Variants in LPP observed in about 807,000 individuals in gnomAD.
LPP encodes the protein lipoma-preferred partner.
In LPP, 38 loss-of-function variants were observed where a neutral mutation model predicts 60.4. That is an observed-to-expected ratio of 0.63 (90% CI 0.49 to 0.83). LPP has a LOEUF of 0.83. LPP is among the 40% of genes least tolerant of loss of function. The probability of loss-of-function intolerance (pLI) is 0.00; values close to 1 mark genes in which losing one functional copy is unlikely to be tolerated. For synonymous variants in LPP, 328 were observed against 290.8 expected, an observed-to-expected ratio of 1.13 and a Z score of -1.30; for missense variants, 902 against 783.6, an observed-to-expected ratio of 1.15 and a Z score of -1.80.
intron 11 of LPP, among the ~76,000 whole-genome samples, chr3:188,873,823 T>G (rs377138978): frequency 1.1e-4 from 16 of 152,158 alleles, no homozygotes; most frequent in East Asian, 9.7e-4. Flanking sequence ...GGATTTTATT[T>G]TCTTACTGCA....
At chr3:188,828,614 C>CAAAAAAAAAAA (rs71169022) in intron 9 of LPP, among the ~76,000 whole-genome samples, 373 of 31,338 alleles carry the variant, frequency 0.012, 92 homozygotes, top group East Asian at 0.07. Flanking sequence ...AACTCTGTCT[C>CAAAAAAAAAAA]AAAAAAAAAA....
intron 2 of LPP, among the ~76,000 whole-genome samples, chr3:188,327,117 C>T (rs1365196837): frequency 6.6e-6 from 1 of 152,132 alleles, no homozygotes; most frequent in African/African-American, 2.4e-5. Flanking sequence ...AATGTAGTGG[C>T]TGGGTCATGA....
chr3:188,743,440 A>C (rs1254975355), intron 8 of LPP, among the ~76,000 whole-genome samples: 1 of 152,050 alleles, frequency 6.6e-6, no homozygotes, highest in Non-Finnish European at 1.5e-5. Flanking sequence ...CTAAAAGAGC[A>C]AAAGTGTACA....
intron 5 of LPP, among the ~76,000 whole-genome samples, chr3:188,504,581 G>T (rs1202863445): frequency 2.0e-5 from 3 of 151,992 alleles, no homozygotes; most frequent in African/African-American, 7.3e-5. Context: ...CTTCCCCAAG[G>T]TTTACTGTTA....
At chr3:188,800,395 G>C (rs1262790626) in intron 9 of LPP, among the ~76,000 whole-genome samples, 1 of 151,678 alleles carries the variant, frequency 6.6e-6, no homozygotes, top group Non-Finnish European at 1.5e-5. Flanking sequence ...ACAGGTGTCT[G>C]CCACCACGCC....
chr3:188,592,557 G>GTTTTTTTTTGTTTTTTTTTTTTTT, intron 6 of LPP, among the ~76,000 whole-genome samples: 1 of 85,756 alleles, frequency 1.2e-5, no homozygotes, highest in African/African-American at 4.5e-5. Flanking sequence ...TTTTGTTTTT[G>GTTTTTTTTTGTTTTTTTTTTTTTT]TTTTTTAAAT....
chr3:188,790,352 G>C (rs1310863451), intron 9 of LPP, among the ~76,000 whole-genome samples: 1 of 151,578 alleles, frequency 6.6e-6, no homozygotes, highest in Non-Finnish European at 1.5e-5. Context: ...GTGTGTGCGT[G>C]TGTGTGTGTG....
chr3:188,192,030 A>G (rs1728321373), intron 1 of LPP, among the ~76,000 whole-genome samples: 2 of 152,326 alleles, frequency 1.3e-5, no homozygotes, highest in Admixed American at 6.5e-5. Context: ...GCCTCAAAAC[A>G]TAAACTATTT....
intron 6 of LPP, among the ~76,000 whole-genome samples, chr3:188,525,805 A>G (rs1216033713): frequency 2.0e-5 from 3 of 152,208 alleles, no homozygotes; most frequent in Non-Finnish European, 4.4e-5. Flanking sequence ...CCTCAAGTTC[A>G]CTAGAATGTG....
At chr3:188,579,791 C>A (rs1835628580) in intron 6 of LPP, among the ~76,000 whole-genome samples, 1 of 142,646 alleles carries the variant, frequency 7.0e-6, no homozygotes, top group Admixed American at 7.5e-5. Flanking sequence ...CAGATCCTGT[C>A]TCTACAAAAA....
intron 5 of LPP, among the ~76,000 whole-genome samples, chr3:188,510,456 G>A (rs1815123084): frequency 6.6e-6 from 1 of 152,158 alleles, no homozygotes. Context: ...AGGAATTTCT[G>A]CTGGGAGTGT....
At chr3:188,185,648 C>G (rs562629089) in intron 1 of LPP, among the ~76,000 whole-genome samples, 6 of 152,288 alleles carry the variant, frequency 3.9e-5, no homozygotes, top group Admixed American at 6.5e-5. Context: ...TTCCAGAAAG[C>G]TACTTTTTCT....
At chr3:188,491,302 A>T (rs1266592146) in intron 5 of LPP, among the ~76,000 whole-genome samples, 1 of 152,196 alleles carries the variant, frequency 6.6e-6, no homozygotes, top group Non-Finnish European at 1.5e-5. Context: ...ATGAAAAGAG[A>T]TGTCGGCTGT....
At chr3:188,579,597 A>G (rs956796012) in intron 6 of LPP, among the ~76,000 whole-genome samples, 9 of 152,140 alleles carry the variant, frequency 5.9e-5, no homozygotes, top group African/African-American at 2.2e-4. Flanking sequence ...TTATTTTTAA[A>G]TATAGTACTT....
In LPP at chr3:188,392,212, A is replaced by G. The variant is rs967490138; in HGVS notation, c.-9-13900A>G. Among the ~76,000 whole-genome samples, 4 of 152,346 alleles carry G rather than the reference A, an allele frequency of 2.6e-5. No homozygotes were observed. The South Asian group carries it at 8.3e-4, about 32-fold the overall frequency. On this transcript the variant is annotated intron_variant, in intron 3 of 11. Transcript: ENST00000617246. ...ATTATATAACAGAATGGACTGCAAC[A>G]GTTTTACTTTAGGGAATCCCTAAGG...
chr3:188,865,143 G>A (rs543415888), intron 9 of LPP, among the ~76,000 whole-genome samples: 1 of 152,284 alleles, frequency 6.6e-6, no homozygotes, highest in South Asian at 2.1e-4. Context: ...TACCTCAGTT[G>A]TAATATAGCA....
intron 6 of LPP, among the ~76,000 whole-genome samples, chr3:188,606,390 T>G (rs931106490): frequency 2.6e-5 from 4 of 152,088 alleles, no homozygotes; most frequent in Non-Finnish European, 5.9e-5. Flanking sequence ...AGGGATCTCA[T>G]AGTTCCAGAT....
intron 5 of LPP, among the ~76,000 whole-genome samples, chr3:188,505,271 T>C (rs1813126715): frequency 6.6e-6 from 1 of 152,142 alleles, no homozygotes; most frequent in South Asian, 2.1e-4. Context: ...TTCCTTCGAT[T>C]TTTACTAAGC....
chr3:188,268,923 A>G (rs1192259154), intron 2 of LPP, among the ~76,000 whole-genome samples: 1 of 54,218 alleles, frequency 1.8e-5, no homozygotes, highest in East Asian at 3.7e-4. Flanking sequence ...TATTATGTCC[A>G]GTTTGTTGAT....
Sources: allele counts gnomAD v4.1 joint callset (sites outside exome capture counted in the v4.1 genomes callset), GRCh38; gene constraint gnomAD v4.1.1; transcripts MANE v1.5; gene names NCBI Gene and HGNC (gene_info 2026-07-23, HGNC 2026-07-21).